CHTOP: variants seen among roughly 807,000 people sequenced by gnomAD.
CHTOP encodes chromatin target of PRMT1 protein.
In CHTOP, 18 loss-of-function variants were observed where a neutral mutation model predicts 33.6. The observed-to-expected ratio is 0.54, with a 90% confidence interval of 0.37 to 0.80. CHTOP has a LOEUF of 0.80. Among genes scored for constraint, CHTOP ranks in the 30% least tolerant of loss-of-function variants. The pLI, the probability that CHTOP is intolerant of heterozygous loss-of-function variation, is 0.00. For missense variants in CHTOP, 263 were observed against 336.8 expected (o/e 0.78, Z 1.71); for synonymous variants, 117 against 127.7 (o/e 0.92, Z 0.56).
chr1:153,645,211 A>G lies in CHTOP; in HGVS notation c.689A>G (p.His230Arg). 2 of 1,614,212 alleles carry G rather than the reference A, an allele frequency of 1.2e-6. No homozygotes were observed. Among genetic ancestry groups the G allele is most frequent in the South Asian group, 2.2e-5 (2 of 91,086 alleles). Residue 230 changes from histidine to arginine, a missense_variant, in exon 6 of 6, where the codon CAC becomes CGC. His to Arg is a conservative substitution (Grantham distance 29, BLOSUM62 0). This residue lies in a region of CHTOP where 22 missense variants were observed against 47.9 expected (regional missense o/e 0.46). Transcript: ENST00000368694. ...GCATATATGTCGAAAACAAAAGGAC[A>G]CCTGGATGCTGAGTTGGATGCCTAC... Reference protein sequence around the residue: ...LDAYMSKTKGHLDAELDAYMA... With the variant: ...LDAYMSKTKGRLDAELDAYMA...
rs1295084256 is a variant in CHTOP, at chr1:153,645,445, G to A, written c.*176G>A. 2.8e-5 allele frequency: 7 copies of A among 246,896 alleles called. No homozygotes were observed. Among genetic ancestry groups the A allele is most frequent in the African/African-American group, 8.1e-5 (3 of 36,838 alleles). The allele number at this position is 246,896 out of a possible 1,614,324, so 15.3% of individuals were successfully genotyped here. On this transcript the variant is annotated 3_prime_UTR_variant, in exon 6 of 6. Coordinates refer to ENST00000368694, the MANE Select transcript of CHTOP (RefSeq NM_015607.4). ...TGTTCCTTTTACTTTTTGATACTGT[G>A]TTGTATGAAACCCTTTTGTCCTTTG...
At position 153,645,444 on chromosome 1, in the gene CHTOP, T is replaced by A; in HGVS notation, c.*175T>A. The A allele has an allele frequency of 1.7e-6, 1 of 576,352 alleles. No individual in the cohort carries two copies. The highest frequency in any genetic ancestry group is 3.0e-6 in the Non-Finnish European group (1 of 338,854). 35.7% of individuals were successfully genotyped at this position (576,352 alleles called of 1,614,324 possible). On this transcript the variant is annotated 3_prime_UTR_variant, in exon 6 of 6. Coordinates refer to ENST00000368694, the MANE Select transcript of CHTOP (RefSeq NM_015607.4). ...GTGTTCCTTTTACTTTTTGATACTG[T>A]GTTGTATGAAACCCTTTTGTCCTTT... is the stretch of plus-strand genomic sequence containing the variant.
intron 3 of CHTOP, among the ~76,000 whole-genome samples, chr1:153,639,907 T>C (rs1398597761): frequency 1.3e-5 from 2 of 152,052 alleles, no homozygotes; most frequent in African/African-American, 4.8e-5. Flanking sequence ...TTCTCCTGTC[T>C]CAGCTACAGG....
chr1:153,635,412 A>G (rs998061379), intron 1 of CHTOP, among the ~76,000 whole-genome samples: 2 of 151,204 alleles, frequency 1.3e-5, no homozygotes, highest in Non-Finnish European at 3.0e-5. Context: ...TTGGCCTCCC[A>G]AAGTGCTGAG....
chr1:153,635,891 C>T (rs558632122), intron 1 of CHTOP, among the ~76,000 whole-genome samples: 76 of 151,342 alleles, frequency 5.0e-4, no homozygotes, highest in African/African-American at 1.6e-3. Context: ...GAGAAATTCC[C>T]GGGTATTTTG....
At chr1:153,638,016 G>T (rs1046894211) in intron 2 of CHTOP, 2 of 390,288 alleles carry the variant, frequency 5.1e-6, no homozygotes, top group East Asian at 5.4e-5. Flanking sequence ...TGCTTATTGC[G>T]TGTTTTTCAT....
intron 1 of CHTOP, among the ~76,000 whole-genome samples, chr1:153,634,979 G>C (rs889243553): frequency 6.6e-6 from 1 of 152,010 alleles, no homozygotes; most frequent in African/African-American, 2.4e-5. Context: ...TCAGCCTCCG[G>C]AGTAGCTGGG....
rs1289280287 is a variant in CHTOP at position 153,645,327 on chromosome 1, T to G, written c.*58T>G. On this transcript the variant is annotated 3_prime_UTR_variant, in exon 6 of 6. Transcript: ENST00000368694. ...TAGTCAACACATCTGTAAATAACCT[T>G]GAGATAACAGATGAGAAGAAATCTG... 2.0e-6 allele frequency: 3 copies of G among 1,530,398 alleles called. No homozygotes were observed. In the East Asian group the frequency reaches 6.8e-5, roughly 34 times the overall value. 94.8% of individuals were successfully genotyped at this position (1,530,398 alleles called of 1,614,324 possible). A position where few individuals can be genotyped will look rare whatever the true frequency, so the allele number is the denominator to read the frequency against.
chr1:153,643,933 C>G (rs1346949346), intron 5 of CHTOP: 1 of 152,222 alleles, frequency 6.6e-6, no homozygotes, highest in Non-Finnish European at 1.5e-5. Flanking sequence ...CTAACTGGCT[C>G]TTATTGATAA....
chr1:153,640,662 T>G (rs1195025972), intron 3 of CHTOP, among the ~76,000 whole-genome samples: 2 of 152,086 alleles, frequency 1.3e-5, no homozygotes, highest in African/African-American at 4.8e-5. Context: ...TCCCAGCTAC[T>G]CGGGAGGCTG....
chr1:153,645,599 C>G lies in CHTOP; in HGVS notation c.*330C>G. ...CCCTCTTCCTACCTCTGTCTCCCCT[C>G]ACTTGTCATATGCTCTGACATGCTA... On this transcript the variant is annotated 3_prime_UTR_variant, in exon 6 of 6. Coordinates refer to ENST00000368694, the MANE Select transcript of CHTOP (RefSeq NM_015607.4). 1 of 333,102 alleles carries G rather than the reference C, an allele frequency of 3.0e-6. No homozygotes were observed. Among genetic ancestry groups the G allele is most frequent in the Non-Finnish European group, 5.5e-6 (1 of 180,542 alleles). 20.6% of individuals were successfully genotyped at this position (333,102 alleles called of 1,614,324 possible).
In CHTOP at chr1:153,641,358, G is replaced by A. The variant is rs149438676; in HGVS notation, c.220-888G>A. The stretch of plus-strand genomic sequence containing the variant: ...TATTGCTGTCCCTTTTTCCTTTGAA[G>A]GAATTTAATTCTCTGAGATGTAGTC... On this transcript the variant is annotated intron_variant, in intron 3 of 5. Transcript: ENST00000368694. Among the ~76,000 whole-genome samples, 618 of 152,272 alleles carry A rather than the reference G, an allele frequency of 4.1e-3. 3 individuals carry two copies. Among genetic ancestry groups the A allele is most frequent in the Non-Finnish European group, 5.0e-3 (338 of 68,012 alleles).
chr1:153,636,787 C>T (rs1290843476), intron 2 of CHTOP, 134 bp downstream of exon 2: 2 of 700,094 alleles, frequency 2.9e-6, no homozygotes. Context: ...TTAGTTGCAT[C>T]TCATGTGGTA....
chr1:153,639,355 T>G (rs1232871519), intron 3 of CHTOP: 2 of 889,994 alleles, frequency 2.2e-6, no homozygotes, highest in African/African-American at 1.8e-5. Context: ...AACCTGCTCT[T>G]TATTATTCAT....
At chr1:153,643,552 A>T (rs535278541) in intron 5 of CHTOP, 188 bp downstream of exon 5, 12 of 563,158 alleles carry the variant, frequency 2.1e-5, no homozygotes, top group African/African-American at 3.9e-5. Flanking sequence ...TTTTTCCAAG[A>T]ATCAATCAAG....
chr1:153,639,238 C>T (rs1277205721), intron 3 of CHTOP: 1 of 157,592 alleles, frequency 6.3e-6, no homozygotes. Flanking sequence ...TTCCACAGCA[C>T]CTAAAGTTTT....
Position 153,642,438 on chromosome 1 carries a change from T to C in CHTOP, c.403+9T>C, listed in dbSNP as rs2101692144. The C allele has an allele frequency of 6.3e-7, 1 of 1,589,296 alleles. No homozygotes were observed. Among genetic ancestry groups the C allele is most frequent in the Non-Finnish European group, 8.6e-7 (1 of 1,164,122 alleles). ...CGGGATGTCACTCCGAGGTCAGTGC[T>C]GTGTACCCTGATAATTGTCGGGCCC... On this transcript the variant is annotated intron_variant, in intron 4 of 5. Coordinates refer to ENST00000368694, the MANE Select transcript of CHTOP (RefSeq NM_015607.4).
intron 5 of CHTOP, 77 bp downstream of exon 5, chr1:153,643,441 C>T: frequency 7.2e-7 from 1 of 1,397,110 alleles, no homozygotes; most frequent in Non-Finnish European, 9.5e-7. Flanking sequence ...CCTTTCTGCA[C>T]AGCTTCAAGT....
intron 3 of CHTOP, chr1:153,639,517 C>G (rs1183944368): frequency 2.6e-6 from 1 of 389,488 alleles, no homozygotes; most frequent in Non-Finnish European, 3.5e-6. Flanking sequence ...CACCCTTACA[C>G]CCCCACCCTG....
Sources: gnomAD v4.1 joint callset for allele counts (sites outside exome capture counted in the v4.1 genomes callset) on GRCh38, gnomAD v4.1.1 for gene constraint, gnomAD v4.1.1 regional missense constraint, MANE v1.5 for transcripts, NCBI Gene and HGNC (gene_info 2026-07-23, HGNC 2026-07-21) for gene names.